The following KBTBD11 variants were observed in gnomAD, a reference collection of about 807,000 sequenced individuals.
The protein encoded by KBTBD11 is kelch repeat and BTB domain-containing protein 11.
For synonymous variants in KBTBD11, 747 were observed against 499.0 expected (o/e 1.50, Z -6.63); for missense variants, 1,390 against 1,001.8 (o/e 1.39, Z -5.23).
Position 2,000,577 on chromosome 8 carries a change from T to A in KBTBD11, c.-616T>A, listed in dbSNP as rs1273307685. The A allele has an allele frequency of 1.3e-5, 2 of 152,212 alleles. No individual in the cohort carries two copies. The highest frequency in any genetic ancestry group is 2.4e-5 in the African/African-American group (1 of 41,436). 9.4% of individuals were successfully genotyped at this position (152,212 alleles called of 1,614,324 possible). On this transcript the variant is annotated 5_prime_UTR_variant, in exon 2 of 2. Coordinates refer to ENST00000320248, the MANE Select transcript of KBTBD11 (RefSeq NM_014867.3). ...AGGAGAGCCCATAAGGGGACTCTTT[T>A]CAAGACACGGTGTTAAATCAAGGCT...
At chr8:1,980,381 C>T (rs1816500254) in intron 1 of KBTBD11, among the ~76,000 whole-genome samples, 1 of 152,082 alleles carries the variant, frequency 6.6e-6, no homozygotes, top group Non-Finnish European at 1.5e-5. Context: ...CATGCATCAC[C>T]ACGCCTGGCT....
Position 1,973,711 on chromosome 8 carries a change from G to C in KBTBD11, c.-1133G>C. 1 of 983,722 alleles carries C rather than the reference G, an allele frequency of 1.0e-6. No homozygotes were observed. Among genetic ancestry groups the C allele is most frequent in the Non-Finnish European group, 1.2e-6 (1 of 829,294 alleles). The allele number at this position is 983,722 out of a possible 1,614,324, so 60.9% of individuals were successfully genotyped here. A position where few individuals can be genotyped will look rare whatever the true frequency, so the allele number is the denominator to read the frequency against. On this transcript the variant is annotated 5_prime_UTR_variant, in exon 1 of 2. Coordinates refer to ENST00000320248, the MANE Select transcript of KBTBD11 (RefSeq NM_014867.3). ...GCGCGCCCCTCGCAGCCTGGAGCCG[G>C]AGCGCTGGCTCCGCGCGGCCTGGAG... is the stretch of plus-strand genomic sequence containing the variant.
chr8:1,995,082 A>T (rs894285681), intron 1 of KBTBD11, among the ~76,000 whole-genome samples: 10 of 139,396 alleles, frequency 7.2e-5, no homozygotes, highest in African/African-American at 2.2e-4. Flanking sequence ...AAAAAAAAAA[A>T]GCTAAAAGAG....
chr8:2,001,342 G>A lies in KBTBD11; in HGVS notation c.150G>A (p.Pro50=). The change falls in exon 2 of 2, where the codon CCG becomes CCA. Residue 50 remains proline (P), a synonymous_variant. Coordinates refer to ENST00000320248, the MANE Select transcript of KBTBD11 (RefSeq NM_014867.3). The part of the protein sequence containing the change: ...SLCFSSGEES[P]PQSLASAAEG... ...GCTTCAGCTCCGGGGAAGAGTCCCC[G>A]CCGCAGTCCCTCGCCTCAGCGGCGG... 6.6e-7 allele frequency: 1 copy of A among 1,508,926 alleles called. No homozygotes were observed. The highest frequency in any genetic ancestry group is 8.8e-7 in the Non-Finnish European group (1 of 1,136,170). 93.5% of individuals were successfully genotyped at this position (1,508,926 alleles called of 1,614,324 possible).
Position 2,002,832 on chromosome 8 carries a change from C to A in KBTBD11, c.1640C>A (p.Pro547His). The change falls in exon 2 of 2, where the codon CCC (proline) becomes CAC (histidine). Residue 547 changes from proline (P) to histidine (H), a missense_variant. Coordinates refer to ENST00000320248, the MANE Select transcript of KBTBD11 (RefSeq NM_014867.3). The surrounding 1 kb of genome is among the most constrained non-coding windows in gnomAD (Gnocchi z 4.1). ...CVAPLRLPGG[P>H]TGLQPFRCAA... ...GCGCCCCTGCGCCTCCCCGGCGGCCCCACGGGCCTGCAGCCCTTCCGCTGC... is the reference window on the plus strand; with the variant it reads ...GCGCCCCTGCGCCTCCCCGGCGGCCACACGGGCCTGCAGCCCTTCCGCTGC... 7.0e-7 allele frequency: 1 copy of A among 1,424,340 alleles called. No individual in the cohort carries two copies. Among genetic ancestry groups the A allele is most frequent in the Non-Finnish European group, 9.1e-7 (1 of 1,098,652 alleles). 88.2% of individuals were successfully genotyped at this position (1,424,340 alleles called of 1,614,324 possible).
At position 2,003,914 on chromosome 8, in the gene KBTBD11, C is replaced by T. The variant is rs555654910; in HGVS notation, c.*850C>T. 2.9e-4 allele frequency: 48 copies of T among 166,986 alleles called. 1 individual carries two copies. The highest frequency in any genetic ancestry group is 1.1e-3 in the African/African-American group (46 of 41,556). The allele number at this position is 166,986 out of a possible 1,614,324, so 10.3% of individuals were successfully genotyped here. On this transcript the variant is annotated 3_prime_UTR_variant, in exon 2 of 2. Coordinates refer to ENST00000320248, the MANE Select transcript of KBTBD11 (RefSeq NM_014867.3). Reference sequence around the variant, plus strand: ...TATCTAAAAAGCAATCTTTGATAGTCCACTCTGTATGCCCAGCCGCTTTCA... The same window carrying T: ...TATCTAAAAAGCAATCTTTGATAGTTCACTCTGTATGCCCAGCCGCTTTCA...
At chr8:1,992,239 C>G (rs532313811) in intron 1 of KBTBD11, among the ~76,000 whole-genome samples, 1 of 152,096 alleles carries the variant, frequency 6.6e-6, no homozygotes. Context: ...AACTGTAAAA[C>G]GTGGCAGCGC....
chr8:2,003,810 T>G lies in KBTBD11; in HGVS notation c.*746T>G, dbSNP rs1817488742. 6.0e-6 allele frequency: 1 copy of G among 167,016 alleles called. No individual in the cohort carries two copies. Among genetic ancestry groups the G allele is most frequent in the African/African-American group, 2.4e-5 (1 of 41,454 alleles). 10.3% of individuals were successfully genotyped at this position (167,016 alleles called of 1,614,324 possible). ...CTGATGTAGCGATGATTTACCATTA[T>G]TTAAATTTTAAGTCTTCAGTGGCTA... On this transcript the variant is annotated 3_prime_UTR_variant, in exon 2 of 2. Coordinates refer to ENST00000320248, the MANE Select transcript of KBTBD11 (RefSeq NM_014867.3).
Position 2,002,319 on chromosome 8 carries a change from C to T in KBTBD11, c.1127C>T (p.Ala376Val), listed in dbSNP as rs1817409484. The T allele has an allele frequency of 1.4e-6, 2 of 1,384,354 alleles. No individual in the cohort carries two copies. Among genetic ancestry groups the T allele is most frequent in the African/African-American group, 1.5e-5 (1 of 64,908 alleles). The allele number at this position is 1,384,354 out of a possible 1,614,324, so 85.8% of individuals were successfully genotyped here. A position where few individuals can be genotyped will look rare whatever the true frequency, so the allele number is the denominator to read the frequency against. Residue 376 changes from alanine to valine, a missense_variant, in exon 2 of 2, where the codon GCG becomes GTG. Transcript: ENST00000320248. The surrounding 1 kb of genome is among the most constrained non-coding windows in gnomAD (Gnocchi z 4.1). ...GVAPAGPDGR[A>V]RPSDQVFCYN... Reference sequence around the variant, plus strand: ...GCGCCCGCGGGCCCCGACGGCCGCGCGCGCCCGTCCGACCAGGTCTTCTGC... The same window carrying T: ...GCGCCCGCGGGCCCCGACGGCCGCGTGCGCCCGTCCGACCAGGTCTTCTGC...
intron 1 of KBTBD11, among the ~76,000 whole-genome samples, chr8:1,982,243 C>A (rs1816562004): frequency 6.6e-6 from 1 of 152,000 alleles, no homozygotes; most frequent in Non-Finnish European, 1.5e-5. Context: ...AAAGCAAAAA[C>A]CTACAGTAGG....
At chr8:1,992,856 G>C (rs1235103311) in intron 1 of KBTBD11, among the ~76,000 whole-genome samples, 1 of 150,502 alleles carries the variant, frequency 6.6e-6, no homozygotes, top group Non-Finnish European at 1.5e-5. Context: ...AACCTTTTTT[G>C]TGAGCCCCTA....
chr8:1,982,745 C>CTT (rs869039541), intron 1 of KBTBD11, among the ~76,000 whole-genome samples: 20 of 141,606 alleles, frequency 1.4e-4, no homozygotes, highest in South Asian at 6.8e-4. Flanking sequence ...TTGCTGAGCA[C>CTT]TTTTTTTTTT....
In KBTBD11 at chr8:2,000,930, A is replaced by G. The variant is rs750937642; in HGVS notation, c.-263A>G. Reference sequence around the variant, plus strand: ...CACCAAGACTTTCTGGGCAGATTTAAAGTGGCTGGGGTTCAGAAGTTCAGC... The same window carrying G: ...CACCAAGACTTTCTGGGCAGATTTAGAGTGGCTGGGGTTCAGAAGTTCAGC... On this transcript the variant is annotated 5_prime_UTR_variant, in exon 2 of 2. Transcript: ENST00000320248. 8 of 391,982 alleles carry G rather than the reference A, an allele frequency of 2.0e-5. No individual in the cohort carries two copies. Among genetic ancestry groups the G allele is most frequent in the Middle Eastern group, 6.3e-4 (1 of 1,578 alleles). The allele number at this position is 391,982 out of a possible 1,614,324, so 24.3% of individuals were successfully genotyped here.
At chr8:1,997,622 T>G (rs1817191731) in intron 1 of KBTBD11, among the ~76,000 whole-genome samples, 2 of 152,238 alleles carry the variant, frequency 1.3e-5, no homozygotes, top group South Asian at 4.1e-4. Context: ...GAGCCCCTGA[T>G]GCAGCCTTGC....
intron 1 of KBTBD11, among the ~76,000 whole-genome samples, chr8:1,987,522 G>A (rs945782390): frequency 2.0e-5 from 3 of 152,132 alleles, no homozygotes; most frequent in Non-Finnish European, 2.9e-5. Flanking sequence ...CCGGGCCCTT[G>A]TGCTGCCCCC....
intron 1 of KBTBD11, among the ~76,000 whole-genome samples, 195 bp from the exon 2 acceptor site, chr8:2,000,090 C>G (rs1262182311): frequency 6.6e-6 from 1 of 152,140 alleles, no homozygotes; most frequent in Non-Finnish European, 1.5e-5. Flanking sequence ...CGAGAGGGTA[C>G]TTTAAAAAAT....
chr8:2,002,265 A>T lies in KBTBD11; in HGVS notation c.1073A>T (p.Tyr358Phe), dbSNP rs1192896746. 2.5e-5 allele frequency: 33 copies of T among 1,321,240 alleles called. No individual in the cohort carries two copies. The highest frequency in any genetic ancestry group is 3.1e-5 in the Non-Finnish European group (32 of 1,044,074). 81.8% of individuals were successfully genotyped at this position (1,321,240 alleles called of 1,614,324 possible). Reference sequence around the variant, plus strand: ...CGGGGCTGCGGCCTGTGCGTCCTCTACAACTACCTCTTCGTGGCGGGCGGC... The same window carrying T: ...CGGGGCTGCGGCCTGTGCGTCCTCTTCAACTACCTCTTCGTGGCGGGCGGC... Reference protein sequence around the residue: ...PARGCGLCVLYNYLFVAGGVA... With the variant: ...PARGCGLCVLFNYLFVAGGVA... The change falls in exon 2 of 2, where the codon TAC becomes TTC. Residue 358 changes from tyrosine to phenylalanine, a missense_variant. Coordinates refer to ENST00000320248, the MANE Select transcript of KBTBD11 (RefSeq NM_014867.3). The surrounding 1 kb of genome is among the most constrained non-coding windows in gnomAD (Gnocchi z 4.1).
chr8:2,002,297 C>T lies in KBTBD11; in HGVS notation c.1105C>T (p.Pro369Ser). ...CCTCTTCGTGGCGGGCGGCGTGGCG[C>T]CCGCGGGCCCCGACGGCCGCGCGCG... ...NYLFVAGGVA[P>S]AGPDGRARPS... Residue 369 changes from proline to serine, a missense_variant, in exon 2 of 2, where the codon CCC (proline) becomes TCC (serine). Coordinates refer to ENST00000320248, the MANE Select transcript of KBTBD11 (RefSeq NM_014867.3). The surrounding 1 kb of genome is among the most constrained non-coding windows in gnomAD (Gnocchi z 4.1). 7.5e-7 allele frequency: 1 copy of T among 1,337,002 alleles called. No individual in the cohort carries two copies. Among genetic ancestry groups the T allele is most frequent in the Non-Finnish European group, 9.5e-7 (1 of 1,053,488 alleles). 82.8% of individuals were successfully genotyped at this position (1,337,002 alleles called of 1,614,324 possible).
At position 2,002,587 on chromosome 8, in the gene KBTBD11, C is replaced by T. The variant is rs754873277; in HGVS notation, c.1395C>T (p.Ser465=). The change falls in exon 2 of 2, where the codon TCC becomes TCT. Residue 465 remains serine (S), a synonymous_variant. Coordinates refer to ENST00000320248, the MANE Select transcript of KBTBD11 (RefSeq NM_014867.3). The surrounding 1 kb of genome is among the most constrained non-coding windows in gnomAD (Gnocchi z 4.1). ...GCGAGATCTACGTGTCCGGGGGCTC[C>T]CTCTTCTATCGCCTGCTCAAGTATG... is the stretch of plus-strand genomic sequence containing the variant. ...CHGEIYVSGG[S]LFYRLLKYDP... The T allele has an allele frequency of 2.5e-6, 4 of 1,584,070 alleles. No homozygotes were observed. The Admixed American group carries it at 5.1e-5, about 20-fold the overall frequency.
Sources: allele counts gnomAD v4.1 joint callset (sites outside exome capture counted in the v4.1 genomes callset), GRCh38; gene constraint gnomAD v4.1.1; non-coding constraint Gnocchi (gnomAD v3.1); transcripts MANE v1.5; gene names NCBI Gene and HGNC (gene_info 2026-07-23, HGNC 2026-07-21).